UGP2: variants seen among roughly 807,000 people sequenced by gnomAD.
UGP2 encodes UDP-glucose pyrophosphorylase 2, also known as UTP--glucose-1-phosphate uridylyltransferase.
UGP2 carries 40 observed loss-of-function variants against 49.0 expected under a neutral mutation model. The ratio of observed to expected loss-of-function variants is 0.82; its 90% CI spans 0.63 to 1.06. The LOEUF is 1.06. UGP2 is among the 50% of genes least tolerant of loss of function. The pLI is 0.00. For missense variants in UGP2, 460 were observed against 603.5 expected, an observed-to-expected ratio of 0.76 and a Z score of 2.49; for synonymous variants, 225 against 213.0, an observed-to-expected ratio of 1.06 and a Z score of -0.49.
chr2:63,860,422 G>T (rs1669756097), intron 3 of UGP2, among the ~76,000 whole-genome samples: 1 of 152,178 alleles, frequency 6.6e-6, no homozygotes, highest in Non-Finnish European at 1.5e-5. Flanking sequence ...AGTGGAGACA[G>T]TATGGCTTGT....
intron 8 of UGP2, chr2:63,889,842 T>C: frequency 2.6e-6 from 1 of 388,006 alleles, no homozygotes; most frequent in Non-Finnish European, 4.6e-6. Context: ...AAAAAACCCT[T>C]AGATCTGCTC....
chr2:63,870,877 TC>T (rs1358720233), intron 3 of UGP2, among the ~76,000 whole-genome samples: 3 of 152,074 alleles, frequency 2.0e-5, no homozygotes, highest in Non-Finnish European at 2.9e-5. Context: ...AGGCGGTAGC[TC>T]CCAAAGCCAA....
At chr2:63,868,232 A>T (rs1489357745) in intron 3 of UGP2, among the ~76,000 whole-genome samples, 1 of 152,150 alleles carries the variant, frequency 6.6e-6, no homozygotes, top group Non-Finnish European at 1.5e-5. Flanking sequence ...TGTGTTCATT[A>T]TGTGGTGTTT....
chr2:63,847,008 T>C (rs1267083065), intron 1 of UGP2, among the ~76,000 whole-genome samples: 2 of 152,240 alleles, frequency 1.3e-5, no homozygotes, highest in African/African-American at 2.4e-5. Flanking sequence ...AAAGTGCTGT[T>C]TTCCAACATG....
intron 5 of UGP2, 68 bp downstream of exon 5, chr2:63,884,161 A>C: frequency 6.4e-7 from 1 of 1,572,406 alleles, no homozygotes; most frequent in East Asian, 2.3e-5. Context: ...TCTTGTTTAT[A>C]ACAGAGCAGT....
intron 8 of UGP2, chr2:63,888,646 G>T (rs1199590298): frequency 1.3e-5 from 2 of 152,206 alleles, no homozygotes; most frequent in Non-Finnish European, 2.9e-5. Context: ...CTCATACTGG[G>T]ACCATGTAGA....
chr2:63,855,716 AT>A (rs1669367865), intron 1 of UGP2: 3 of 422,434 alleles, frequency 7.1e-6, no homozygotes, highest in Admixed American at 2.6e-5. Flanking sequence ...TAATTTTTGT[AT>A]TTTTTGTAGA....
chr2:63,841,809 C>G (rs1456249118), upstream of UGP2: 1 of 187,650 alleles, frequency 5.3e-6, no homozygotes, highest in Non-Finnish European at 1.1e-5. Flanking sequence ...CCCTGGAGGG[C>G]GTGGGGACTT....
chr2:63,864,473 T>G (rs995220789), intron 3 of UGP2, among the ~76,000 whole-genome samples: 2 of 152,216 alleles, frequency 1.3e-5, no homozygotes, highest in African/African-American at 2.4e-5. Context: ...AGCATTCTTC[T>G]CAACTCTTCT....
At chr2:63,855,788 G>A (rs145516929) in intron 1 of UGP2, 16 of 304,896 alleles carry the variant, frequency 5.2e-5, no homozygotes, top group African/African-American at 1.8e-4. Context: ...GGGTCTACCC[G>A]CCTCAGCCTC....
intron 3 of UGP2, among the ~76,000 whole-genome samples, chr2:63,861,376 C>G (rs1000009855): frequency 1.3e-5 from 2 of 151,954 alleles, no homozygotes; most frequent in African/African-American, 2.4e-5. Flanking sequence ...TTGGAGCTGA[C>G]GAGTTCTCTT....
chr2:63,887,805 A>G (rs770259445), intron 8 of UGP2, 161 bp downstream of exon 8: 11 of 950,102 alleles, frequency 1.2e-5, no homozygotes, highest in South Asian at 1.9e-5. Flanking sequence ...TAGAAGATAA[A>G]TATTTTACTT....
rs1337723849 is a variant in UGP2, at chr2:63,886,410, G to GT, written c.944dup (p.Asp316ArgfsTer13). On this transcript the variant is annotated frameshift_variant, in exon 7 of 10. Transcript: ENST00000337130. LOFTEE classifies it high-confidence loss of function. Reference sequence around the variant, plus strand: ...AATTGCTCAAGTGCCAAAAGCACATGTAGACGAGTTCAAGTCTGTATCAAA... The same window carrying GT: ...AATTGCTCAAGTGCCAAAAGCACATGTTAGACGAGTTCAAGTCTGTATCAAA... 2 of 1,614,068 alleles carry GT rather than the reference G, an allele frequency of 1.2e-6. No homozygotes were observed. The highest frequency in any genetic ancestry group is 2.7e-5 in the African/African-American group (2 of 74,920).
At chr2:63,884,137 A>G in intron 5 of UGP2, 44 bp downstream of exon 5, 2 of 1,604,048 alleles carry the variant, frequency 1.2e-6, no homozygotes, top group Non-Finnish European at 8.5e-7. Flanking sequence ...TACTCCTGGG[A>G]AAGGACTTCT....
chr2:63,853,300 C>T (rs1389039018), intron 1 of UGP2, among the ~76,000 whole-genome samples: 6 of 151,982 alleles, frequency 3.9e-5, no homozygotes, highest in African/African-American at 7.3e-5. Context: ...TAAATCTAGC[C>T]GGCATAGTTC....
chr2:63,885,628 A>G lies in UGP2; in HGVS notation c.615A>G (p.Ala205=), dbSNP rs1182717157. ...ATAAAGAATCTTTACTTCCTGTAGC[A>G]AAGGACGTGTCTTACTCAGGGGAAA... ...RINKESLLPV[A]KDVSYSGENT... Residue 205 remains alanine (A), a synonymous_variant, in exon 6 of 10, where the codon GCA becomes GCG. Transcript: ENST00000337130. 6.3e-7 allele frequency: 1 copy of G among 1,583,348 alleles called. No individual in the cohort carries two copies. Among genetic ancestry groups the G allele is most frequent in the Non-Finnish European group, 8.5e-7 (1 of 1,170,406 alleles).
At chr2:63,862,986 A>G (rs998731863) in intron 3 of UGP2, 1 of 387,738 alleles carries the variant, frequency 2.6e-6, no homozygotes, top group South Asian at 2.0e-5. Context: ...TGAGTCATCT[A>G]CCTTTGTCCT....
chr2:63,857,974 T>C, intron 3 of UGP2, 38 bp downstream of exon 3: 1 of 1,595,182 alleles, frequency 6.3e-7, no homozygotes, highest in Non-Finnish European at 8.6e-7. Flanking sequence ...TGTAGGGTAA[T>C]CTTGGGCACT....
chr2:63,853,779 C>G (rs1299587727), intron 1 of UGP2, among the ~76,000 whole-genome samples: 1 of 152,102 alleles, frequency 6.6e-6, no homozygotes, highest in African/African-American at 2.4e-5. Flanking sequence ...AGCCCTCTCT[C>G]TTTTTTGGCT....
Sources: gnomAD v4.1 joint callset for allele counts (sites outside exome capture counted in the v4.1 genomes callset) on GRCh38, gnomAD v4.1.1 for gene constraint, MANE v1.5 for transcripts, NCBI Gene and HGNC (gene_info 2026-07-23, HGNC 2026-07-21) for gene names.